The following ELF2 variants were observed in gnomAD, a reference collection of about 807,000 sequenced individuals.
ELF2 encodes the protein ETS-related transcription factor Elf-2.
ELF2 carries 11 observed loss-of-function variants against 54.8 expected under a neutral mutation model. The ratio of observed to expected loss-of-function variants is 0.20; its 90% CI spans 0.13 to 0.33. The LOEUF is 0.33. Ranked by LOEUF, ELF2 falls within the 10% of genes least tolerant of loss-of-function variation. The pLI is 1.00. For missense variants in ELF2, 513 were observed against 703.0 expected (o/e 0.73, Z 3.06); for synonymous variants, 203 against 245.1 (o/e 0.83, Z 1.61).
At chr4:139,142,538 C>T (rs745665700) in intron 1 of ELF2, among the ~76,000 whole-genome samples, 17 of 152,144 alleles carry the variant, frequency 1.1e-4, no homozygotes, top group Admixed American at 3.3e-4. Context: ...CATTCAGATG[C>T]TGGGTTGAGA....
intron 1 of ELF2, among the ~76,000 whole-genome samples, chr4:139,166,761 A>G (rs1741768472): frequency 6.6e-6 from 1 of 152,012 alleles, no homozygotes; most frequent in Non-Finnish European, 1.5e-5. Flanking sequence ...CCAGCTACTC[A>G]GGAGGCTGAG....
At chr4:139,153,072 C>T (rs1740178954) in intron 1 of ELF2, among the ~76,000 whole-genome samples, 1 of 151,874 alleles carries the variant, frequency 6.6e-6, no homozygotes, top group Admixed American at 6.6e-5. Flanking sequence ...GTAAAATAGG[C>T]ATAATTATCC....
intron 4 of ELF2, chr4:139,084,119 TC>T: frequency 1.2e-6 from 2 of 1,613,170 alleles, no homozygotes; most frequent in Non-Finnish European, 1.7e-6. Context: ...GGAGAAAAGT[TC>T]CCCTGTCCTT....
intron 1 of ELF2, among the ~76,000 whole-genome samples, chr4:139,154,839 C>A (rs919993146): frequency 1.3e-5 from 2 of 152,190 alleles, no homozygotes; most frequent in Non-Finnish European, 2.9e-5. Context: ...TTCCTCTACT[C>A]CCCTCTCACA....
chr4:139,127,969 A>T (rs536330581), intron 3 of ELF2, among the ~76,000 whole-genome samples: 1 of 151,752 alleles, frequency 6.6e-6, no homozygotes, highest in East Asian at 1.9e-4. Context: ...GGTCTCAAAA[A>T]AAAAAAAAAA....
At chr4:139,104,434 C>G (rs1454424851) in intron 4 of ELF2, among the ~76,000 whole-genome samples, 1 of 145,740 alleles carries the variant, frequency 6.9e-6, no homozygotes, top group Non-Finnish European at 1.5e-5. Flanking sequence ...AACTTGAGCC[C>G]GAAAGGCGAG....
At chr4:139,078,919 C>T (rs4241930) in intron 4 of ELF2, among the ~76,000 whole-genome samples, 150,430 of 152,296 alleles carry the variant, frequency 0.99, 74,294 homozygotes, top group Middle Eastern at 1. Context: ...CCATAAATAA[C>T]ATTTTTTATG....
intron 1 of ELF2, among the ~76,000 whole-genome samples, chr4:139,144,021 A>G (rs2148871545): frequency 6.6e-6 from 1 of 152,146 alleles, no homozygotes; most frequent in East Asian, 1.9e-4. Flanking sequence ...TTCCACTTGG[A>G]AAGAAAAAAT....
At chr4:139,157,801 C>T (rs1235574797) in intron 1 of ELF2, among the ~76,000 whole-genome samples, 10 of 152,298 alleles carry the variant, frequency 6.6e-5, no homozygotes, top group Non-Finnish European at 1.3e-4. Flanking sequence ...CCAGGCATAA[C>T]CTAATCAACG....
chr4:139,170,743 T>TAATG (rs1446171295), intron 1 of ELF2, among the ~76,000 whole-genome samples: 3 of 148,060 alleles, frequency 2.0e-5, no homozygotes, highest in Non-Finnish European at 4.5e-5. Context: ...TTATATTAAT[T>TAATG]ATATTATATT....
At chr4:139,085,016 A>G (rs570915806) in intron 4 of ELF2, among the ~76,000 whole-genome samples, 2 of 152,322 alleles carry the variant, frequency 1.3e-5, no homozygotes, top group African/African-American at 2.4e-5. Context: ...GACTCCCCCA[A>G]TATGCTAATC....
At chr4:139,061,563 G>A (rs546180809) in intron 8 of ELF2, among the ~76,000 whole-genome samples, 1 of 151,922 alleles carries the variant, frequency 6.6e-6, no homozygotes, top group East Asian at 1.9e-4. Flanking sequence ...CTAACTTTAG[G>A]AACCATAATT....
intron 4 of ELF2, among the ~76,000 whole-genome samples, chr4:139,091,559 G>T (rs1390977697): frequency 6.6e-6 from 1 of 152,090 alleles, no homozygotes; most frequent in East Asian, 1.9e-4. Context: ...TCACAACTCA[G>T]TGCAGCCTCA....
intron 1 of ELF2, among the ~76,000 whole-genome samples, chr4:139,147,467 C>T (rs1052719176): frequency 5.3e-5 from 8 of 152,082 alleles, no homozygotes; most frequent in African/African-American, 1.9e-4. Flanking sequence ...CTATGCAAAA[C>T]AGTATGGAGA....
chr4:139,066,444 CA>C (rs1327246659), intron 7 of ELF2: 1 of 149,932 alleles, frequency 6.7e-6, no homozygotes, highest in African/African-American at 2.5e-5. Context: ...TCTGTTTCTA[CA>C]AAAGATTTTA....
intron 7 of ELF2, among the ~76,000 whole-genome samples, chr4:139,062,451 G>A (rs1030630787): frequency 1.3e-5 from 2 of 152,162 alleles, no homozygotes; most frequent in African/African-American, 4.8e-5. Context: ...GATTACAGGC[G>A]TGAGCCACTG....
At chr4:139,099,366 G>C (rs2148781292) in intron 4 of ELF2, among the ~76,000 whole-genome samples, 1 of 152,252 alleles carries the variant, frequency 6.6e-6, no homozygotes, top group East Asian at 1.9e-4. Context: ...CTGGGTTCCT[G>C]GCCCTGAGCA....
In ELF2 at chr4:139,114,828, G is replaced by C. The variant is rs1004935400; in HGVS notation, c.238+10336C>G. On this transcript the variant is annotated intron_variant, in intron 4 of 9. Transcript: ENST00000686138. ...AGGGGCACGAGGAGCCCTGCTCATG[G>C]CACCAGGCCTGGCCGCAGGGTCCCC... is the stretch of plus-strand genomic sequence containing the variant. The C allele has an allele frequency of 4.5e-6, 7 of 1,572,016 alleles. No individual in the cohort carries two copies. The African/African-American group carries it at 8.1e-5, about 18-fold the overall frequency.
intron 3 of ELF2, among the ~76,000 whole-genome samples, chr4:139,129,322 T>G (rs1737262859): frequency 6.6e-6 from 1 of 152,202 alleles, no homozygotes; most frequent in African/African-American, 2.4e-5. Context: ...GGTTCTATCC[T>G]CAGTGTCTCC....
Sources: allele counts gnomAD v4.1 joint callset (sites outside exome capture counted in the v4.1 genomes callset), GRCh38; gene constraint gnomAD v4.1.1; transcripts MANE v1.5; gene names NCBI Gene and HGNC (gene_info 2026-07-23, HGNC 2026-07-21).